The following OPCML variants were observed in gnomAD, a reference collection of about 807,000 sequenced individuals.
OPCML encodes opioid binding protein/cell adhesion molecule like, also known as opioid-binding protein/cell adhesion molecule.
OPCML carries 13 observed loss-of-function variants against 37.8 expected under a neutral mutation model. That is an observed-to-expected ratio of 0.34 (90% CI 0.22 to 0.55). OPCML has a LOEUF of 0.55. Among genes scored for constraint, OPCML ranks in the 20% least tolerant of loss-of-function variants. OPCML has a pLI of 0.91. For synonymous variants in OPCML, 176 were observed against 168.8 expected, an observed-to-expected ratio of 1.04 and a Z score of -0.33; for missense variants, 341 against 435.6, an observed-to-expected ratio of 0.78 and a Z score of 1.93.
intron 1 of OPCML, among the ~76,000 whole-genome samples, chr11:133,498,780 A>C (rs530542818): frequency 9.9e-5 from 15 of 152,228 alleles, no homozygotes; most frequent in African/African-American, 3.4e-4. Flanking sequence ...GGATTTAAGC[A>C]TGAGAAATGA....
At chr11:132,732,045 C>T (rs767518297) in intron 2 of OPCML, among the ~76,000 whole-genome samples, 3 of 152,120 alleles carry the variant, frequency 2.0e-5, no homozygotes, top group Middle Eastern at 3.2e-3. Flanking sequence ...TTAAAGAGAA[C>T]ACTGTGTCCA....
intron 1 of OPCML, among the ~76,000 whole-genome samples, chr11:133,023,982 G>C (rs536111000): frequency 1.3e-5 from 2 of 152,328 alleles, no homozygotes; most frequent in African/African-American, 4.8e-5. Context: ...GCATGGATCA[G>C]ACCCTCACCC....
chr11:132,628,792 T>C (rs760270713), intron 3 of OPCML, among the ~76,000 whole-genome samples: 7 of 152,142 alleles, frequency 4.6e-5, no homozygotes, highest in Non-Finnish European at 5.9e-5. Flanking sequence ...GTTCTCATGA[T>C]AGTGAGTGAC....
At chr11:132,880,958 T>A (rs1362416555) in intron 2 of OPCML, among the ~76,000 whole-genome samples, 1 of 152,196 alleles carries the variant, frequency 6.6e-6, no homozygotes, top group Non-Finnish European at 1.5e-5. Flanking sequence ...CTTGCCTCTT[T>A]TGGCCAGACT....
intron 3 of OPCML, among the ~76,000 whole-genome samples, chr11:132,606,288 A>C (rs1303904739): frequency 6.6e-6 from 1 of 152,196 alleles, no homozygotes; most frequent in East Asian, 1.9e-4. Flanking sequence ...ATATATAGAT[A>C]AATGAGCAAT....
intron 2 of OPCML, among the ~76,000 whole-genome samples, chr11:132,822,768 A>C (rs1015428220): frequency 9.2e-5 from 14 of 152,216 alleles, no homozygotes; most frequent in African/African-American, 3.1e-4. Context: ...GCTCAGTTGT[A>C]ACCTGAGGAG....
chr11:133,482,780 T>C (rs988886592), intron 1 of OPCML, among the ~76,000 whole-genome samples: 1 of 151,908 alleles, frequency 6.6e-6, no homozygotes, highest in African/African-American at 2.4e-5. Flanking sequence ...AGACACAGTA[T>C]AGATTAAAAA....
chr11:132,511,282 C>T (rs745869686), intron 4 of OPCML, among the ~76,000 whole-genome samples: 10 of 151,912 alleles, frequency 6.6e-5, no homozygotes, highest in Non-Finnish European at 1.5e-4. Flanking sequence ...TTAGCCAAGA[C>T]TTAATAAAGG....
chr11:133,443,276 T>C (rs547264579), intron 1 of OPCML, among the ~76,000 whole-genome samples: 2 of 152,342 alleles, frequency 1.3e-5, no homozygotes, highest in East Asian at 1.9e-4. Context: ...AGCACCTTTC[T>C]GTTTTAGGAA....
At chr11:133,297,490 G>C (rs576114372) in intron 1 of OPCML, 1 of 152,266 alleles carries the variant, frequency 6.6e-6, no homozygotes, top group East Asian at 1.9e-4. Flanking sequence ...GGACTGATTG[G>C]GGACTCTGTG....
rs929586844 is a variant in OPCML, at chr11:133,041,955, C to T, written c.62-98945G>A. On this transcript the variant is annotated intron_variant, in intron 1 of 7. Coordinates refer to ENST00000524381, the MANE Select transcript of OPCML (RefSeq NM_001012393.5). ...GTCGCCTCCAAATCCCAGGACCTGG[C>T]TCCAGGGATCAATATCCAGTCCTGT... Among the ~76,000 whole-genome samples, 5 of 152,142 alleles carry T rather than the reference C, an allele frequency of 3.3e-5. No homozygotes were observed. The East Asian group carries it at 9.7e-4, about 29-fold the overall frequency.
At chr11:133,527,858 G>C (rs1948520284) in intron 1 of OPCML, among the ~76,000 whole-genome samples, 1 of 152,184 alleles carries the variant, frequency 6.6e-6, no homozygotes, top group South Asian at 2.1e-4. Context: ...AGCATACTTA[G>C]AGGTTTGGGT....
chr11:132,567,976 T>G (rs1314912484), intron 3 of OPCML, among the ~76,000 whole-genome samples: 1 of 152,040 alleles, frequency 6.6e-6, no homozygotes, highest in East Asian at 1.9e-4. Context: ...TGAGAGTAAC[T>G]CAGCAGCTAA....
intron 1 of OPCML, among the ~76,000 whole-genome samples, chr11:133,315,733 A>G (rs991590105): frequency 2.0e-5 from 3 of 152,110 alleles, no homozygotes; most frequent in African/African-American, 7.2e-5. Context: ...AGGAGGCAGA[A>G]GTTGCAGTGA....
intron 1 of OPCML, among the ~76,000 whole-genome samples, chr11:133,002,007 AAG>A (rs373058143): frequency 3.9e-5 from 6 of 152,324 alleles, no homozygotes; most frequent in African/African-American, 1.4e-4. Flanking sequence ...GACAAACAGA[AAG>A]AGAGAAAACA....
intron 1 of OPCML, among the ~76,000 whole-genome samples, chr11:133,304,904 A>G (rs1217501252): frequency 2.0e-5 from 3 of 152,150 alleles, no homozygotes; most frequent in Admixed American, 6.6e-5. Flanking sequence ...ATTCACAACA[A>G]TTTGCTGTAT....
At position 132,889,676 on chromosome 11, in the gene OPCML, A is replaced by G. The variant is rs914279134; in HGVS notation, c.146+53250T>C. Among the ~76,000 whole-genome samples, 6 of 152,226 alleles carry G rather than the reference A, an allele frequency of 3.9e-5. No homozygotes were observed. The East Asian group carries it at 7.7e-4, about 20-fold the overall frequency. ...TTTGTCATCAGTATTTTGTCTTCCA[A>G]CTCCATGGTTTACTTTTGTTCTGGA... On this transcript the variant is annotated intron_variant, in intron 2 of 7. Transcript: ENST00000524381.
At chr11:132,845,024 C>T (rs1344463727) in intron 2 of OPCML, among the ~76,000 whole-genome samples, 2 of 150,462 alleles carry the variant, frequency 1.3e-5, no homozygotes, top group Non-Finnish European at 2.9e-5. Context: ...GTATGGATAG[C>T]AAACATGTGT....
At chr11:133,294,796 TTTCTTTC>T (rs1302550254) in intron 1 of OPCML, among the ~76,000 whole-genome samples, 45 of 137,766 alleles carry the variant, frequency 3.3e-4, no homozygotes, top group African/African-American at 1.2e-3. Context: ...TCTTTTTTTT[TTTCTTTC>T]TTTCTTTCTT....
Sources: gnomAD v4.1 joint callset for allele counts (sites outside exome capture counted in the v4.1 genomes callset) on GRCh38, gnomAD v4.1.1 for gene constraint, MANE v1.5 for transcripts, NCBI Gene and HGNC (gene_info 2026-07-23, HGNC 2026-07-21) for gene names.